Variants in TRPM4 observed in about 807,000 individuals in gnomAD.
TRPM4 encodes the protein transient receptor potential cation channel subfamily M member 4, also known as calcium-activated non-selective cation channel 1.
A neutral mutation model predicts 135.6 loss-of-function variants in TRPM4; 124 were observed. That is an observed-to-expected ratio of 0.91 (90% CI 0.79 to 1.06). TRPM4 has a LOEUF of 1.06. Ranked by LOEUF, TRPM4 falls within the 50% of genes least tolerant of loss-of-function variation. TRPM4 has a pLI of 0.00. For missense variants in TRPM4, 1,658 were observed against 1,671.4 expected (o/e 0.99, Z 0.14); for synonymous variants, 745 against 705.6 (o/e 1.06, Z -0.88).
At chr19:49,168,489 G>A in intron 5 of TRPM4, 64 bp from the exon 6 acceptor site, 1 of 1,613,658 alleles carries the variant, frequency 6.2e-7, no homozygotes, top group African/African-American at 1.3e-5. Flanking sequence ...GGAGGAGGAG[G>A]GGCTCGTGTT....
chr19:49,168,831 G>A, intron 6 of TRPM4, 95 bp downstream of exon 6: 2 of 1,314,992 alleles, frequency 1.5e-6, no homozygotes, highest in Non-Finnish European at 2.1e-6. Context: ...GAGATTTGGG[G>A]AATTACCTAT....
At chr19:49,200,497 T>G (rs1968879229) in intron 18 of TRPM4, 65 bp downstream of exon 18, 8 of 1,576,610 alleles carry the variant, frequency 5.1e-6, no homozygotes, top group Non-Finnish European at 6.9e-6. Context: ...AGGGAGGGAG[T>G]GGTCCGTGGA....
chr19:49,210,595 C>T lies in TRPM4; in HGVS notation c.3329-115C>T, dbSNP rs1398578476. On this transcript the variant is annotated intron_variant, in intron 21 of 24. Coordinates refer to ENST00000252826, the MANE Select transcript of TRPM4 (RefSeq NM_017636.4). The surrounding 1 kb of genome is among the most constrained non-coding windows in gnomAD (Gnocchi z 4.1). The stretch of plus-strand genomic sequence containing the variant: ...ACGGGTGAGGGGCGGGGCATGTTCT[C>T]GAATCACCAGGGGCTGGGTCTGGGA... 1.9e-6 allele frequency: 3 copies of T among 1,545,100 alleles called. No homozygotes were observed. Among genetic ancestry groups the T allele is most frequent in the Non-Finnish European group, 2.7e-6 (3 of 1,126,064 alleles).
In TRPM4 at chr19:49,210,561, G is replaced by T; in HGVS notation, c.3329-149G>T. The T allele has an allele frequency of 1.4e-6, 2 of 1,401,652 alleles. No homozygotes were observed. The highest frequency in any genetic ancestry group is 2.0e-6 in the Non-Finnish European group (2 of 1,006,692). 86.8% of individuals were successfully genotyped at this position (1,401,652 alleles called of 1,614,324 possible). A position where few individuals can be genotyped will look rare whatever the true frequency, so the allele number is the denominator to read the frequency against. On this transcript the variant is annotated intron_variant, in intron 21 of 24. Transcript: ENST00000252826. This position sits in a 1 kb window ranked among gnomAD's most constrained non-coding sequence, Gnocchi z 4.1. ...AGGGGCGGAGCTTAAGCACTGAGGGGCAGTGCTTACGGGTGAGGGGCGGGG... is the reference window on the plus strand; with the variant it reads ...AGGGGCGGAGCTTAAGCACTGAGGGTCAGTGCTTACGGGTGAGGGGCGGGG...
At position 49,210,532 on chromosome 19, in the gene TRPM4, A is replaced by C; in HGVS notation, c.3328+127A>C. ...AGGTAGCGAGGGGCGGGGTTTAAGC[A>C]ACAAGGGGCGGAGCTTAAGCACTGA... On this transcript the variant is annotated intron_variant, in intron 21 of 24. Coordinates refer to ENST00000252826, the MANE Select transcript of TRPM4 (RefSeq NM_017636.4). This position sits in a 1 kb window ranked among gnomAD's most constrained non-coding sequence, Gnocchi z 4.1. 1 of 1,426,232 alleles carries C rather than the reference A, an allele frequency of 7.0e-7. No homozygotes were observed. The highest frequency in any genetic ancestry group is 9.7e-7 in the Non-Finnish European group (1 of 1,035,520). 88.3% of individuals were successfully genotyped at this position (1,426,232 alleles called of 1,614,324 possible). A position where few individuals can be genotyped will look rare whatever the true frequency, so the allele number is the denominator to read the frequency against.
intron 19 of TRPM4, among the ~76,000 whole-genome samples, chr19:49,201,134 G>A (rs541035531): frequency 7.3e-6 from 1 of 136,782 alleles, no homozygotes; most frequent in East Asian, 2.1e-4. Context: ...GGGTACACTC[G>A]CCAGCAGTTT....
chr19:49,174,402 C>T (rs1433988896), intron 9 of TRPM4, among the ~76,000 whole-genome samples: 22 of 151,964 alleles, frequency 1.4e-4, no homozygotes, highest in African/African-American at 4.6e-4. Context: ...CCATCCACCT[C>T]GGCCTCCCAA....
intron 16 of TRPM4, among the ~76,000 whole-genome samples, chr19:49,193,088 T>G (rs1308209845): frequency 2.6e-5 from 4 of 151,112 alleles, no homozygotes; most frequent in Admixed American, 2.6e-4. Flanking sequence ...TGGTTTTTTT[T>G]TTTTTTTTTT....
At chr19:49,200,530 C>A (rs1270717719) in intron 18 of TRPM4, 81 bp from the exon 19 acceptor site, 2 of 1,587,080 alleles carry the variant, frequency 1.3e-6, no homozygotes, top group South Asian at 1.1e-5. Flanking sequence ...CTTTGGGGAG[C>A]AATGGGGCGT....
At chr19:49,182,951 C>T in intron 11 of TRPM4, 29 bp downstream of exon 11, 1 of 1,582,022 alleles carries the variant, frequency 6.3e-7, no homozygotes, top group Non-Finnish European at 8.6e-7. Flanking sequence ...TGGGGGGCCC[C>T]CCCGCGCGGG....
intron 20 of TRPM4, among the ~76,000 whole-genome samples, chr19:49,203,620 C>G (rs1477505735): frequency 6.6e-6 from 1 of 152,226 alleles, no homozygotes; most frequent in Non-Finnish European, 1.5e-5. Context: ...CAACTCCCCA[C>G]TTCCCCTCCC....
In TRPM4 at chr19:49,211,417, T is replaced by C. The variant is rs1969365753; in HGVS notation, c.3641-77T>C. On this transcript the variant is annotated intron_variant, in intron 24 of 24. Coordinates refer to ENST00000252826, the MANE Select transcript of TRPM4 (RefSeq NM_017636.4). This position sits in a 1 kb window ranked among gnomAD's most constrained non-coding sequence, Gnocchi z 4.8. ...TACTCTCGCCTTCGTCTTTCTTCTT[T>C]TTTGCCAGTCTCCCAGTTTTTCTGT... 6.2e-7 allele frequency: 1 copy of C among 1,609,410 alleles called. No homozygotes were observed. Among genetic ancestry groups the C allele is most frequent in the East Asian group, 2.2e-5 (1 of 44,872 alleles).
chr19:49,190,278 TC>T lies in TRPM4; in HGVS notation c.2091del (p.Cys699AlafsTer24). ...TTPIWALVLA[F>X]FCPPLIYTRL... Reference sequence around the variant, plus strand: ...CCCATCTGGGCCCTGGTTCTCGCCTTCTTTTGCCCTCCACTCATCTACACCC... The same window carrying T: ...CCCATCTGGGCCCTGGTTCTCGCCTTTTTTGCCCTCCACTCATCTACACCC... On this transcript the variant is annotated frameshift_variant, in exon 15 of 25. Transcript: ENST00000252826. LOFTEE classifies it high-confidence loss of function. The T allele has an allele frequency of 2.5e-6, 4 of 1,613,804 alleles. No individual in the cohort carries two copies. Among genetic ancestry groups the T allele is most frequent in the Non-Finnish European group, 3.4e-6 (4 of 1,179,912 alleles).
intron 6 of TRPM4, 135 bp downstream of exon 6, chr19:49,168,871 T>C: frequency 2.8e-6 from 3 of 1,054,734 alleles, no homozygotes; most frequent in East Asian, 5.2e-5. Flanking sequence ...TCATTATTCA[T>C]GGTTTTAAAA....
Position 49,210,943 on chromosome 19 carries a change from C to A in TRPM4, c.3462-72C>A. On this transcript the variant is annotated intron_variant, in intron 22 of 24. Coordinates refer to ENST00000252826, the MANE Select transcript of TRPM4 (RefSeq NM_017636.4). The surrounding 1 kb of genome is among the most constrained non-coding windows in gnomAD (Gnocchi z 4.1). ...GGGAGGGAGGGAGAGAGGGAGGAGGCCCGGGAAGCAGGCAGAGCCCTGGGG... is the reference window on the plus strand; with the variant it reads ...GGGAGGGAGGGAGAGAGGGAGGAGGACCGGGAAGCAGGCAGAGCCCTGGGG... 1 of 1,591,870 alleles carries A rather than the reference C, an allele frequency of 6.3e-7. No individual in the cohort carries two copies. Among genetic ancestry groups the A allele is most frequent in the South Asian group, 1.1e-5 (1 of 88,284 alleles).
At chr19:49,169,011 A>G (rs531520745) in intron 6 of TRPM4, among the ~76,000 whole-genome samples, 1 of 149,706 alleles carries the variant, frequency 6.7e-6, no homozygotes, top group African/African-American at 2.5e-5. Flanking sequence ...GTCTCTACCA[A>G]TAATAATAAT....
At chr19:49,164,364 GTTTTTTTTTTTTTTTTTTT>G (rs869232937) in intron 2 of TRPM4, among the ~76,000 whole-genome samples, 40 of 16,266 alleles carry the variant, frequency 2.5e-3, no homozygotes, top group African/African-American at 9.2e-3. Context: ...TCTTTCCTTA[GTTTTTTTTTTTTTTTTTTT>G]TTTTTTTTTT....
chr19:49,181,197 C>A, intron 9 of TRPM4, 152 bp from the exon 10 acceptor site: 2 of 666,522 alleles, frequency 3.0e-6, no homozygotes, highest in Non-Finnish European at 2.7e-6. Context: ...CCTATGATAG[C>A]CTGACTGCTT....
Position 49,190,197 on chromosome 19 carries a change from A to AC in TRPM4, c.2020-5dup. 3 of 1,608,102 alleles carry AC rather than the reference A, an allele frequency of 1.9e-6. No homozygotes were observed. Among genetic ancestry groups the AC allele is most frequent in the Non-Finnish European group, 2.6e-6 (3 of 1,174,812 alleles). ...GGAGATTTGGATCCTAATCCTTCCC[A>AC]CCCCCCACAGTCTCTGCTGACACAG... On this transcript the variant is annotated splice_polypyrimidine_tract_variant and intron_variant, in intron 14 of 24. Transcript: ENST00000252826.
Sources: allele counts gnomAD v4.1 joint callset (sites outside exome capture counted in the v4.1 genomes callset), GRCh38; gene constraint gnomAD v4.1.1; non-coding constraint Gnocchi (gnomAD v3.1); transcripts MANE v1.5; gene names NCBI Gene and HGNC (gene_info 2026-07-23, HGNC 2026-07-21).